The following SDC3 variants were observed in gnomAD, a reference collection of about 807,000 sequenced individuals.
SDC3 encodes the protein syndecan 3.
SDC3 carries 13 observed loss-of-function variants against 24.4 expected under a neutral mutation model. That is an observed-to-expected ratio of 0.53 (90% CI 0.35 to 0.85). SDC3 has a LOEUF of 0.85. Ranked by LOEUF, SDC3 falls within the 40% of genes least tolerant of loss-of-function variation. SDC3 has a pLI of 0.01. For missense variants in SDC3, 571 were observed against 584.5 expected (o/e 0.98, Z 0.24); for synonymous variants, 295 against 260.9 (o/e 1.13, Z -1.26).
chr1:30,887,636 G>A (rs771476256), intron 1 of SDC3, among the ~76,000 whole-genome samples: 9 of 152,120 alleles, frequency 5.9e-5, no homozygotes, highest in Admixed American at 3.9e-4. Flanking sequence ...GTTTATTTCC[G>A]GGCTTCAGAG....
chr1:30,905,661 C>T (rs1432729037), intron 1 of SDC3, among the ~76,000 whole-genome samples: 1 of 152,062 alleles, frequency 6.6e-6, no homozygotes, highest in African/African-American at 2.4e-5. Flanking sequence ...AGACTAACAC[C>T]TAAGATCCCT....
At chr1:30,894,639 GTGTGTGTGGGGT>G (rs1639972758) in intron 1 of SDC3, among the ~76,000 whole-genome samples, 1 of 28,982 alleles carries the variant, frequency 3.5e-5, no homozygotes, top group Non-Finnish European at 6.2e-5. Flanking sequence ...GAGTGTGTGG[GTGTGTGTGGGGT>G]GTGTGTGGGT....
intron 1 of SDC3, among the ~76,000 whole-genome samples, chr1:30,906,901 C>A (rs565470872): frequency 6.6e-6 from 1 of 152,324 alleles, no homozygotes; most frequent in African/African-American, 2.4e-5. Context: ...TTCCTCTCAC[C>A]CCACTTAGGG....
At chr1:30,904,585 C>G (rs774013755) in intron 1 of SDC3, among the ~76,000 whole-genome samples, 4 of 152,154 alleles carry the variant, frequency 2.6e-5, no homozygotes, top group Admixed American at 6.5e-5. Context: ...TGTGCTCACT[C>G]CTCCCCAGAG....
In SDC3 at chr1:30,874,435, T is replaced by G; in HGVS notation, c.1024A>C (p.Lys342Gln). 1.2e-6 allele frequency: 2 copies of G among 1,614,214 alleles called. No homozygotes were observed. The highest frequency in any genetic ancestry group is 1.7e-6 in the Non-Finnish European group (2 of 1,180,026). Residue 342 changes from lysine to glutamine, a missense_variant, in exon 4 of 5, where the codon AAG (lysine) becomes CAG (glutamine). By Grantham distance (53) the Lys-to-Gln change is moderately conservative. Around this residue, in one of 2 missense-constraint regions of SDC3, gnomAD observed 497 missense variants for 471.6 expected, o/e 1.05. Transcript: ENST00000339394. ...EVVAVGGAAA[K>Q]ASSPPGTLPK... ...AGTGTCCCAGGTGGAGATGATGCCTTGGCCGCAGCCCCTCCCACAGCTACC... is the reference window on the plus strand; with the variant it reads ...AGTGTCCCAGGTGGAGATGATGCCTGGGCCGCAGCCCCTCCCACAGCTACC...
chr1:30,898,105 C>A (rs1198838907), intron 1 of SDC3, among the ~76,000 whole-genome samples: 9 of 152,122 alleles, frequency 5.9e-5, no homozygotes, highest in African/African-American at 2.2e-4. Context: ...GCCAGACACC[C>A]ACCAGGTACC....
chr1:30,902,324 C>T (rs933138312), intron 1 of SDC3, among the ~76,000 whole-genome samples: 4 of 152,204 alleles, frequency 2.6e-5, no homozygotes, highest in Admixed American at 6.5e-5. Context: ...TCCTGTTTGG[C>T]GCTGAGACTG....
chr1:30,874,203 C>G, intron 4 of SDC3, 94 bp downstream of exon 4: 1 of 1,047,342 alleles, frequency 9.5e-7, no homozygotes, highest in Non-Finnish European at 1.4e-6. Flanking sequence ...GCCCTGATCT[C>G]CTTTCTGGGT....
At chr1:30,881,599 C>T (rs561648661) in intron 1 of SDC3, among the ~76,000 whole-genome samples, 24 of 152,352 alleles carry the variant, frequency 1.6e-4, no homozygotes, top group Admixed American at 9.8e-4. Flanking sequence ...GCAGAGGCTC[C>T]GCAAGCGGCC....
Position 30,908,520 on chromosome 1 carries a change from C to A in SDC3, c.67G>T (p.Ala23Ser). The A allele has an allele frequency of 1.0e-6, 1 of 974,246 alleles. No individual in the cohort carries two copies. The highest frequency in any genetic ancestry group is 1.2e-6 in the Non-Finnish European group (1 of 824,236). The allele number at this position is 974,246 out of a possible 1,614,324, so 60.4% of individuals were successfully genotyped here. A position where few individuals can be genotyped will look rare whatever the true frequency, so the allele number is the denominator to read the frequency against. Residue 23 changes from alanine to serine, a missense_variant, in exon 1 of 5, where the codon GCC (alanine) becomes TCC (serine). This residue lies in a region of SDC3 where 497 missense variants were observed against 471.6 expected (regional missense o/e 1.05). Transcript: ENST00000339394. ...HGAGAGAGAA[A>S]GPGARGLLLP... Reference sequence around the variant, plus strand: ...AGCAGCCCGCGGGCCCCGGGCCCGGCCGCGGCCCCGGCCCCGGCGCCGGCC... The same window carrying A: ...AGCAGCCCGCGGGCCCCGGGCCCGGACGCGGCCCCGGCCCCGGCGCCGGCC...
In SDC3 at chr1:30,876,426, C is replaced by T. The variant is rs1639638126; in HGVS notation, c.870+126G>A. 7 of 760,078 alleles carry T rather than the reference C, an allele frequency of 9.2e-6. No individual in the cohort carries two copies. The South Asian group carries it at 2.4e-4, about 26-fold the overall frequency. The allele number at this position is 760,078 out of a possible 1,614,324, so 47.1% of individuals were successfully genotyped here. A position where few individuals can be genotyped will look rare whatever the true frequency, so the allele number is the denominator to read the frequency against. On this transcript the variant is annotated intron_variant, in intron 3 of 4. Coordinates refer to ENST00000339394, the MANE Select transcript of SDC3 (RefSeq NM_014654.4). Reference sequence around the variant, plus strand: ...CTCTGTCCCTTGGTCCTGCCCCTCGCCCCCACTTTGTCTGGCTCATCTCTA... The same window carrying T: ...CTCTGTCCCTTGGTCCTGCCCCTCGTCCCCACTTTGTCTGGCTCATCTCTA...
chr1:30,908,425 G>A, intron 1 of SDC3, 24 bp downstream of exon 1: 1 of 1,019,282 alleles, frequency 9.8e-7, no homozygotes, highest in Non-Finnish European at 1.2e-6. Flanking sequence ...AGCCGTGGCG[G>A]GGATCCGGGC....
intron 1 of SDC3, among the ~76,000 whole-genome samples, chr1:30,879,579 C>T (rs1007854177): frequency 6.6e-6 from 1 of 152,156 alleles, no homozygotes; most frequent in African/African-American, 2.4e-5. Flanking sequence ...ACCTGGAGTC[C>T]CTGCTCCCTC....
chr1:30,900,143 C>G (rs1165942375), intron 1 of SDC3, among the ~76,000 whole-genome samples: 1 of 152,202 alleles, frequency 6.6e-6, no homozygotes, highest in Non-Finnish European at 1.5e-5. Flanking sequence ...AACTGCCCCA[C>G]TGTGGGCACA....
At chr1:30,875,496 C>T (rs1452192765) in intron 3 of SDC3, among the ~76,000 whole-genome samples, 1 of 152,194 alleles carries the variant, frequency 6.6e-6, no homozygotes, top group African/African-American at 2.4e-5. Context: ...CTGACACTGA[C>T]CCCAAGGCAG....
intron 1 of SDC3, among the ~76,000 whole-genome samples, chr1:30,894,879 G>C (rs1639978428): frequency 1.3e-5 from 2 of 152,068 alleles, no homozygotes; most frequent in South Asian, 4.2e-4. Context: ...GTGTGGGTCT[G>C]AGTGTGTCCA....
intron 1 of SDC3, among the ~76,000 whole-genome samples, chr1:30,904,632 T>G (rs1192322171): frequency 6.6e-6 from 1 of 152,106 alleles, no homozygotes; most frequent in Non-Finnish European, 1.5e-5. Flanking sequence ...AGCCCTGCCT[T>G]GAGGATAGAG....
chr1:30,898,462 G>A (rs1219487785), intron 1 of SDC3, among the ~76,000 whole-genome samples: 1 of 152,174 alleles, frequency 6.6e-6, no homozygotes, highest in Non-Finnish European at 1.5e-5. Flanking sequence ...ACCAGACACA[G>A]AGGGTCCATC....
At chr1:30,901,646 T>C (rs1638415869) in intron 1 of SDC3, among the ~76,000 whole-genome samples, 1 of 152,086 alleles carries the variant, frequency 6.6e-6, no homozygotes. Context: ...GGTCTCCTTC[T>C]AAGGGTACCC....
Sources: gnomAD v4.1 joint callset for allele counts (sites outside exome capture counted in the v4.1 genomes callset) on GRCh38, gnomAD v4.1.1 for gene constraint, gnomAD v4.1.1 regional missense constraint, MANE v1.5 for transcripts, NCBI Gene and HGNC (gene_info 2026-07-23, HGNC 2026-07-21) for gene names.